The following DAGLB variants were observed in gnomAD, a reference collection of about 807,000 sequenced individuals.
DAGLB encodes the protein diacylglycerol lipase-beta.
DAGLB carries 66 observed loss-of-function variants against 72.1 expected under a neutral mutation model. The ratio of observed to expected loss-of-function variants is 0.92; its 90% CI spans 0.75 to 1.12. DAGLB has a LOEUF of 1.12. Ranked by LOEUF, DAGLB falls within the 50% of genes most tolerant of loss-of-function variation. The pLI, the probability that DAGLB is intolerant of heterozygous loss-of-function variation, is 0.00. For missense variants in DAGLB, 1,065 were observed against 884.9 expected, an observed-to-expected ratio of 1.20 and a Z score of -2.58; for synonymous variants, 414 against 359.5, an observed-to-expected ratio of 1.15 and a Z score of -1.71.
At position 6,433,011 on chromosome 7, in the gene DAGLB, C is replaced by T. The variant is rs367772531; in HGVS notation, c.679-52G>A. On this transcript the variant is annotated intron_variant, in intron 4 of 14. Coordinates refer to ENST00000297056, the MANE Select transcript of DAGLB (RefSeq NM_139179.4). ...CATAAAACCCAGCAGGCACCACCCC[C>T]GGGTTCCCTAAAATCCAGTCTTCTA... The T allele has an allele frequency of 1.1e-4, 172 of 1,585,018 alleles. No homozygotes were observed. The Middle Eastern group carries it at 2.8e-3, about 26-fold the overall frequency.
rs557582386 is a variant in DAGLB, at chr7:6,422,061, G to A, written c.1141-257C>T. Reference sequence around the variant, plus strand: ...GGAGTGTGCCTAAGACACGCCCTGCGCCTTCCCCATCACACACACGTATTC... The same window carrying A: ...GGAGTGTGCCTAAGACACGCCCTGCACCTTCCCCATCACACACACGTATTC... On this transcript the variant is annotated intron_variant, in intron 8 of 14. Transcript: ENST00000297056. 367 of 584,174 alleles carry A rather than the reference G, an allele frequency of 6.3e-4. 1 individual carries two copies. The Middle Eastern group carries it at 0.014, about 22-fold the overall frequency. 36.2% of individuals were successfully genotyped at this position (584,174 alleles called of 1,614,324 possible). A position where few individuals can be genotyped will look rare whatever the true frequency, so the allele number is the denominator to read the frequency against.
chr7:6,421,814 G>C lies in DAGLB; in HGVS notation c.1141-10C>G, dbSNP rs182826000. 2 of 1,612,164 alleles carry C rather than the reference G, an allele frequency of 1.2e-6. No individual in the cohort carries two copies. The highest frequency in any genetic ancestry group is 1.7e-6 in the Non-Finnish European group (2 of 1,179,282). ...GGTCCGTAAGGACATCCTGTAAAAA[G>C]GGCGTTGCAGAAGCGGCCGTCAGCC... On this transcript the variant is annotated splice_polypyrimidine_tract_variant and intron_variant, in intron 8 of 14. Transcript: ENST00000297056.
chr7:6,423,009 A>G (rs1784181378), intron 8 of DAGLB, among the ~76,000 whole-genome samples: 2 of 152,220 alleles, frequency 1.3e-5, no homozygotes, highest in South Asian at 4.1e-4. Flanking sequence ...AGGACAATGG[A>G]CAGACGCTGA....
At chr7:6,424,686 C>T (rs556256497) in intron 8 of DAGLB, 66 bp downstream of exon 8, 15 of 1,493,646 alleles carry the variant, frequency 1.0e-5, no homozygotes, top group South Asian at 2.3e-5. Context: ...TTTCCCCAGC[C>T]GAGCAGCTGT....
At chr7:6,444,989 AT>A (rs1784950267) in intron 2 of DAGLB, among the ~76,000 whole-genome samples, 2 of 130,192 alleles carry the variant, frequency 1.5e-5, no homozygotes, top group Admixed American at 1.7e-4. Context: ...AACAAGTCAT[AT>A]AATAAGAGCG....
intron 6 of DAGLB, among the ~76,000 whole-genome samples, chr7:6,427,416 C>T (rs952548291): frequency 6.6e-6 from 1 of 151,868 alleles, no homozygotes; most frequent in African/African-American, 2.4e-5. Context: ...GAGGCTGAGG[C>T]GGGAGGATCG....
In DAGLB at chr7:6,410,237, C is replaced by A. The variant is rs200100878; in HGVS notation, c.1713G>T (p.Pro571=). The A allele has an allele frequency of 1.2e-6, 2 of 1,612,112 alleles. No individual in the cohort carries two copies. Among genetic ancestry groups the A allele is most frequent in the South Asian group, 2.2e-5 (2 of 90,696 alleles). The change falls in exon 14 of 15, where the codon CCG becomes CCT. Residue 571 remains proline, a synonymous_variant. Transcript: ENST00000297056. Reference sequence around the variant, plus strand: ...GGGAGTCGCTGGAGAAGCTGTAGGCCGGGGACCAGCGCGTCAGTAGGCTCT... The same window carrying A: ...GGGAGTCGCTGGAGAAGCTGTAGGCAGGGGACCAGCGCGTCAGTAGGCTCT... The part of the protein sequence containing the change: ...GEQSLLTRWS[P]AYSFSSDSPL...
Position 6,416,949 on chromosome 7 carries a change from G to C in DAGLB, c.1219-28C>G, listed in dbSNP as rs377250473. ...AAAAACACAGACAAAGAAGGTGGCC[G>C]TTAATCCTCAGACAAGGCAGGCCCA... is the stretch of plus-strand genomic sequence containing the variant. On this transcript the variant is annotated intron_variant, in intron 9 of 14. Coordinates refer to ENST00000297056, the MANE Select transcript of DAGLB (RefSeq NM_139179.4). The C allele has an allele frequency of 1.9e-6, 3 of 1,612,898 alleles. No individual in the cohort carries two copies. In the Admixed American group the frequency reaches 5.0e-5, roughly 27 times the overall value.
chr7:6,447,898 A>T lies in DAGLB; in HGVS notation c.-56T>A. ...AGACCCCGCGCGCCGTTCACCGAGA[A>T]CAAACCAGCACCCTCCGGACGCCGC... On this transcript the variant is annotated 5_prime_UTR_variant, in exon 1 of 15. Transcript: ENST00000297056. 2 of 1,514,772 alleles carry T rather than the reference A, an allele frequency of 1.3e-6. No individual in the cohort carries two copies. The highest frequency in any genetic ancestry group is 1.8e-6 in the Non-Finnish European group (2 of 1,135,358). The allele number at this position is 1,514,772 out of a possible 1,614,324, so 93.8% of individuals were successfully genotyped here.
At chr7:6,435,537 C>T (rs981124514) in intron 3 of DAGLB, 16 of 157,162 alleles carry the variant, frequency 1.0e-4, no homozygotes, top group African/African-American at 3.9e-4. Context: ...CCAGGCCCTG[C>T]CCTAACAGTA....
At chr7:6,428,734 G>A (rs1384711729) in intron 6 of DAGLB, among the ~76,000 whole-genome samples, 4 of 152,130 alleles carry the variant, frequency 2.6e-5, no homozygotes, top group Admixed American at 2.0e-4. Context: ...TGATCAGCCC[G>A]CCTTGGCCTC....
At chr7:6,414,785 T>G (rs1783848344) in intron 11 of DAGLB, among the ~76,000 whole-genome samples, 1 of 152,126 alleles carries the variant, frequency 6.6e-6, no homozygotes, top group Non-Finnish European at 1.5e-5. Flanking sequence ...CCAATATTCC[T>G]TGGAGAAACG....
In DAGLB at chr7:6,409,875, A is replaced by G. The variant is rs1783658780; in HGVS notation, c.1981T>C (p.Cys661Arg). 13 of 1,613,932 alleles carry G rather than the reference A, an allele frequency of 8.1e-6. No individual in the cohort carries two copies. Among genetic ancestry groups the G allele is most frequent in the African/African-American group, 8.0e-5 (6 of 74,934 alleles). ...VVSDRAACVS[C>R]PAQGVSSVDV... is the part of the protein sequence containing the mutation. ...ACACTGGAGACCCCTTGTGCTGGAC[A>G]GGAGACGCAGGCCGCTCTGTCGGAG... The change falls in exon 15 of 15, where the codon TGT becomes CGT. Residue 661 changes from cysteine (C) to arginine (R), a missense_variant. Cys to Arg is a radical substitution (Grantham distance 180). Coordinates refer to ENST00000297056, the MANE Select transcript of DAGLB (RefSeq NM_139179.4).
At position 6,447,916 on chromosome 7, in the gene DAGLB, G is replaced by C. The variant is rs114670821; in HGVS notation, c.-74C>G. ...ACCGAGAACAAACCAGCACCCTCCGGACGCCGCCACCAAATTATCGGCGCT... is the reference window on the plus strand; with the variant it reads ...ACCGAGAACAAACCAGCACCCTCCGCACGCCGCCACCAAATTATCGGCGCT... On this transcript the variant is annotated 5_prime_UTR_variant, in exon 1 of 15. Coordinates refer to ENST00000297056, the MANE Select transcript of DAGLB (RefSeq NM_139179.4). 1,180 of 1,482,400 alleles carry C rather than the reference G, an allele frequency of 8.0e-4. 13 individuals carry two copies. In the African/African-American group the frequency reaches 0.013, roughly 16 times the overall value. The allele number at this position is 1,482,400 out of a possible 1,614,324, so 91.8% of individuals were successfully genotyped here. A position where few individuals can be genotyped will look rare whatever the true frequency, so the allele number is the denominator to read the frequency against.
chr7:6,439,314 A>G (rs1774966377), intron 2 of DAGLB, among the ~76,000 whole-genome samples: 1 of 152,110 alleles, frequency 6.6e-6, no homozygotes, highest in African/African-American at 2.4e-5. Flanking sequence ...TTTCCTTAAG[A>G]AAAACAGATG....
chr7:6,435,091 T>A lies in DAGLB; in HGVS notation c.420-71A>T, dbSNP rs555951846. 13 of 1,569,966 alleles carry A rather than the reference T, an allele frequency of 8.3e-6. No homozygotes were observed. In the South Asian group the frequency reaches 1.4e-4, roughly 17 times the overall value. ...CCCAGACGCAGATGTCCGGGGTCCC[T>A]CCTCCAGGTTCAGTTTCTGAGTCTC... On this transcript the variant is annotated intron_variant, in intron 3 of 14. Transcript: ENST00000297056.
intron 5 of DAGLB, 40 bp downstream of exon 5, chr7:6,432,797 G>C (rs202195234): frequency 1.3e-5 from 21 of 1,596,446 alleles, no homozygotes; most frequent in Admixed American, 5.3e-5. Flanking sequence ...ACCAAAAGGT[G>C]TAAGTGTCAG....
At chr7:6,415,162 AT>A (rs149989589) in intron 11 of DAGLB, among the ~76,000 whole-genome samples, 5 of 150,922 alleles carry the variant, frequency 3.3e-5, no homozygotes, top group African/African-American at 1.2e-4. Context: ...CTCTGTGTCA[AT>A]TAAAAAAAAA....
chr7:6,430,710 C>T, intron 5 of DAGLB, 103 bp from the exon 6 acceptor site: 1 of 1,272,204 alleles, frequency 7.9e-7, no homozygotes, highest in Non-Finnish European at 1.0e-6. Flanking sequence ...ACTCTTCCTG[C>T]TCCTTCGTTG....
Sources: gnomAD v4.1 joint callset for allele counts (sites outside exome capture counted in the v4.1 genomes callset) on GRCh38, gnomAD v4.1.1 for gene constraint, MANE v1.5 for transcripts, NCBI Gene and HGNC (gene_info 2026-07-23, HGNC 2026-07-21) for gene names.